RSPH4A: variants seen among roughly 807,000 people sequenced by gnomAD.
RSPH4A encodes the protein radial spoke head component 4A, also known as radial spoke head protein 4 homolog A.
In RSPH4A, 47 loss-of-function variants were observed where a neutral mutation model predicts 71.0. That is an observed-to-expected ratio of 0.66 (90% CI 0.52 to 0.84). RSPH4A has a LOEUF of 0.84. Among genes scored for constraint, RSPH4A ranks in the 40% least tolerant of loss-of-function variants. The pLI, the probability that RSPH4A is intolerant of heterozygous loss-of-function variation, is 0.00. For synonymous variants in RSPH4A, 282 were observed against 302.3 expected (o/e 0.93, Z 0.70); for missense variants, 793 against 855.2 (o/e 0.93, Z 0.91).
rs192640551 is a variant in RSPH4A at position 116,629,387 on chromosome 6, C to T, written c.1663-180C>T. On this transcript the variant is annotated intron_variant, in intron 3 of 5. Coordinates refer to ENST00000229554, the MANE Select transcript of RSPH4A (RefSeq NM_001010892.3). The stretch of plus-strand genomic sequence containing the variant: ...TGGCAAATTCTTAAAATAAATAGCA[C>T]GGTCCTTTCCTTGAAACAACCTAGA... Among the ~76,000 whole-genome samples, 17 of 152,248 alleles carry T rather than the reference C, an allele frequency of 1.1e-4. No homozygotes were observed. In the South Asian group the frequency reaches 2.1e-3, roughly 19 times the overall value.
intron 1 of RSPH4A, among the ~76,000 whole-genome samples, chr6:116,620,694 A>G (rs888743261): frequency 2.8e-4 from 43 of 152,326 alleles, no homozygotes; most frequent in African/African-American, 1.0e-3. Flanking sequence ...GCACATATAT[A>G]TATTATATTG....
intron 2 of RSPH4A, among the ~76,000 whole-genome samples, chr6:116,624,444 G>C (rs1160090674): frequency 6.6e-6 from 1 of 152,162 alleles, no homozygotes; most frequent in African/African-American, 2.4e-5. Flanking sequence ...TACAAGGTAG[G>C]GCTTTGCATC....
intron 2 of RSPH4A, 148 bp from the exon 3 acceptor site, chr6:116,627,481 C>G: frequency 1.3e-6 from 1 of 752,794 alleles, no homozygotes; most frequent in South Asian, 1.5e-5. Flanking sequence ...CAGGCGTGAA[C>G]CACTGCACCC....
intron 5 of RSPH4A, among the ~76,000 whole-genome samples, chr6:116,631,373 CCT>C (rs1171439447): frequency 6.6e-6 from 1 of 152,136 alleles, no homozygotes; most frequent in South Asian, 2.1e-4. Context: ...TTGACATCCC[CCT>C]GTTCCATTTT....
In RSPH4A at chr6:116,625,558, A is replaced by G. The variant is rs1448308853; in HGVS notation, c.922-2071A>G. ...ATCATAATATGAAAGATAATGAAAA[A>G]AGAAAGGTAGAATGGGGCCAGAGGA... is the stretch of plus-strand genomic sequence containing the variant. On this transcript the variant is annotated intron_variant, in intron 2 of 5. Transcript: ENST00000229554. 6.6e-5 allele frequency among the ~76,000 whole-genome samples: 8 copies of G among 121,784 alleles called. No homozygotes were observed. The Admixed American group carries it at 6.8e-4, about 10-fold the overall frequency. 79.9% of individuals were successfully genotyped at this position (121,784 alleles called of 152,430 possible).
At chr6:116,626,018 A>C (rs1384972578) in intron 2 of RSPH4A, among the ~76,000 whole-genome samples, 2 of 152,188 alleles carry the variant, frequency 1.3e-5, no homozygotes, top group Admixed American at 1.3e-4. Flanking sequence ...ATAAGTGAAA[A>C]GGATATTTTG....
chr6:116,622,796 A>T lies in RSPH4A; in HGVS notation c.715A>T (p.Lys239Ter), dbSNP rs1775630707. 6 of 1,609,116 alleles carry T rather than the reference A, an allele frequency of 3.7e-6. No homozygotes were observed. In the East Asian group the frequency reaches 1.3e-4, roughly 36 times the overall value. The change falls in exon 2 of 6, where the codon AAG becomes TAG. Residue 239 changes from lysine to a stop codon, truncating the protein, a stop_gained. Coordinates refer to ENST00000229554, the MANE Select transcript of RSPH4A (RefSeq NM_001010892.3). LOFTEE classifies it high-confidence loss of function. The stretch of plus-strand genomic sequence containing the variant: ...TGATCATCTTTCTAATATGTTGACC[A>T]AGATATTAAATGAGCGTCCTGAAAA... The part of the protein sequence containing the change: ...LYDHLSNMLT[K>*]ILNERPENAV...
At chr6:116,621,720 A>G (rs1345335507) in intron 1 of RSPH4A, among the ~76,000 whole-genome samples, 1 of 152,238 alleles carries the variant, frequency 6.6e-6, no homozygotes, top group African/African-American at 2.4e-5. Context: ...GCTCCCAGGT[A>G]GAACTTAGCA....
At chr6:116,623,944 A>G (rs1775653519) in intron 2 of RSPH4A, among the ~76,000 whole-genome samples, 2 of 152,254 alleles carry the variant, frequency 1.3e-5, no homozygotes, top group South Asian at 4.1e-4. Flanking sequence ...CTTATACATC[A>G]CAGAAATTTT....
rs1224359665 is a variant in RSPH4A, at chr6:116,617,023, A to G, written c.400A>G (p.Lys134Glu). 2 of 1,614,236 alleles carry G rather than the reference A, an allele frequency of 1.2e-6. No homozygotes were observed. The change falls in exon 1 of 6, where the codon AAA becomes GAA. Residue 134 changes from lysine to glutamate, a missense_variant. Lys to Glu is a moderately conservative substitution (Grantham distance 56, BLOSUM62 1). Coordinates refer to ENST00000229554, the MANE Select transcript of RSPH4A (RefSeq NM_001010892.3). ...TGATCCTTTGGAACAATCATCTGAT[A>G]AAAGAGAATCAACTCCTCATCACAC... ...YPDPLEQSSD[K>E]RESTPHHTSQ...
rs1350222184 is a variant in RSPH4A at position 116,628,377 on chromosome 6, C to T, written c.1662+8C>T. ...CAGCATATTCTCTCTCAGGTAGGAGCTTTGCACTTCTCAATCTATCAGGTA... is the reference window on the plus strand; with the variant it reads ...CAGCATATTCTCTCTCAGGTAGGAGTTTTGCACTTCTCAATCTATCAGGTA... On this transcript the variant is annotated splice_region_variant and intron_variant, in intron 3 of 5. Transcript: ENST00000229554. The T allele has an allele frequency of 1.3e-6, 2 of 1,595,800 alleles. No homozygotes were observed. Among genetic ancestry groups the T allele is most frequent in the East Asian group, 4.5e-5 (2 of 44,782 alleles).
At chr6:116,630,667 GTTTTTTTTTT>G (rs11459167) in intron 5 of RSPH4A, 115 bp downstream of exon 5, 28 of 251,566 alleles carry the variant, frequency 1.1e-4, no homozygotes, top group Non-Finnish European at 1.9e-4. Context: ...TTTTTTTCGT[GTTTTTTTTTT>G]TTTTTTTTTT....
At position 116,628,271 on chromosome 6, in the gene RSPH4A, A is replaced by G. The variant is rs977234347; in HGVS notation, c.1564A>G (p.Ser522Gly). ...GGAAGAGGCAGAAGGTGGGCGAAATAGCTTTGAGGAAAACCCTGATTTTGA... is the reference window on the plus strand; with the variant it reads ...GGAAGAGGCAGAAGGTGGGCGAAATGGCTTTGAGGAAAACCCTGATTTTGA... ...EEEEAEGGRN[S>G]FEENPDFEGI... The change falls in exon 3 of 6, where the codon AGC becomes GGC. Residue 522 changes from serine (S) to glycine (G), a missense_variant. By Grantham distance (56) the Ser-to-Gly change is moderately conservative. Transcript: ENST00000229554. 2 of 1,611,366 alleles carry G rather than the reference A, an allele frequency of 1.2e-6. No homozygotes were observed. The highest frequency in any genetic ancestry group is 3.3e-5 in the Admixed American group (2 of 59,774).
At chr6:116,630,201 CTT>C (rs1369774015) in intron 4 of RSPH4A, among the ~76,000 whole-genome samples, 1 of 152,154 alleles carries the variant, frequency 6.6e-6, no homozygotes, top group Non-Finnish European at 1.5e-5. Context: ...AATAAAACTT[CTT>C]GTCTTGTTTG....
At chr6:116,630,741 C>T (rs1210073039) in intron 5 of RSPH4A, among the ~76,000 whole-genome samples, 189 bp downstream of exon 5, 2 of 122,140 alleles carry the variant, frequency 1.6e-5, no homozygotes, top group Non-Finnish European at 3.2e-5. Flanking sequence ...GGCATGATCT[C>T]GGCTCACTGC....
chr6:116,627,780 A>G lies in RSPH4A; in HGVS notation c.1073A>G (p.Lys358Arg). ...ATCCAAAGATGCCGCTTCTGGGGAAAGATCTTGGGTCTGGAAATGAATTAT... is the reference window on the plus strand; with the variant it reads ...ATCCAAAGATGCCGCTTCTGGGGAAGGATCTTGGGTCTGGAAATGAATTAT... ...HPIQRCRFWG[K>R]ILGLEMNYIV... The change falls in exon 3 of 6, where the codon AAG becomes AGG. Residue 358 changes from lysine (K) to arginine (R), a missense_variant. Coordinates refer to ENST00000229554, the MANE Select transcript of RSPH4A (RefSeq NM_001010892.3). 1.2e-6 allele frequency: 2 copies of G among 1,614,188 alleles called. No homozygotes were observed. Among genetic ancestry groups the G allele is most frequent in the East Asian group, 4.5e-5 (2 of 44,870 alleles).
chr6:116,629,541 C>A lies in RSPH4A; in HGVS notation c.1663-26C>A, dbSNP rs113037885. 2.7e-4 allele frequency: 434 copies of A among 1,611,040 alleles called. 1 individual carries two copies. In the African/African-American group the frequency reaches 4.2e-3, roughly 15 times the overall value. Reference sequence around the variant, plus strand: ...AAATTTTAAGGTCCCCATTAGACTACTAAATCTTGCAACATTCATTCCCAG... The same window carrying A: ...AAATTTTAAGGTCCCCATTAGACTAATAAATCTTGCAACATTCATTCCCAG... On this transcript the variant is annotated intron_variant, in intron 3 of 5. Transcript: ENST00000229554.
rs1775736903 is a variant in RSPH4A at position 116,628,350 on chromosome 6, T to C, written c.1643T>C (p.Val548Ala). The C allele has an allele frequency of 3.1e-6, 5 of 1,612,600 alleles. No individual in the cohort carries two copies. The highest frequency in any genetic ancestry group is 4.2e-6 in the Non-Finnish European group (5 of 1,179,368). The stretch of plus-strand genomic sequence containing the variant: ...TCCCTATCCAATTGGGTTCATCATG[T>C]ACAGCATATTCTCTCTCAGGTAGGA... ...VESLSNWVHH[V>A]QHILSQGRCN... The change falls in exon 3 of 6, where the codon GTA (valine) becomes GCA (alanine). Residue 548 changes from valine (V) to alanine (A), a missense_variant. Val to Ala is a moderately conservative substitution (Grantham distance 64). Coordinates refer to ENST00000229554, the MANE Select transcript of RSPH4A (RefSeq NM_001010892.3).
rs1345452917 is a variant in RSPH4A at position 116,628,342 on chromosome 6, T to A, written c.1635T>A (p.Val545=). 16 of 1,612,992 alleles carry A rather than the reference T, an allele frequency of 9.9e-6. No individual in the cohort carries two copies. Among genetic ancestry groups the A allele is most frequent in the Non-Finnish European group, 1.4e-5 (16 of 1,179,716 alleles). Residue 545 remains valine, a synonymous_variant, in exon 3 of 6, where the codon GTT becomes GTA. Transcript: ENST00000229554. ...TAGTAGAATCCCTATCCAATTGGGT[T>A]CATCATGTACAGCATATTCTCTCTC... ...IDLVESLSNW[V]HHVQHILSQG... is the part of the protein sequence containing the mutation.
Sources: gnomAD v4.1 joint callset for allele counts (sites outside exome capture counted in the v4.1 genomes callset) on GRCh38, gnomAD v4.1.1 for gene constraint, MANE v1.5 for transcripts, NCBI Gene and HGNC (gene_info 2026-07-23, HGNC 2026-07-21) for gene names.